Variants in SRPK1 observed in about 807,000 individuals in gnomAD.
The protein encoded by SRPK1 is SRSF protein kinase 1.
SRPK1 carries 52 observed loss-of-function variants against 89.5 expected under a neutral mutation model. The ratio of observed to expected loss-of-function variants is 0.58; its 90% CI spans 0.46 to 0.73. SRPK1 has a LOEUF of 0.73. Among genes scored for constraint, SRPK1 ranks in the 30% least tolerant of loss-of-function variants. SRPK1 has a pLI of 0.00. For synonymous variants in SRPK1, 255 were observed against 270.2 expected (o/e 0.94, Z 0.55); for missense variants, 603 against 780.6 (o/e 0.77, Z 2.71).
At chr6:35,836,074 C>T (rs560413566) in intron 15 of SRPK1, among the ~76,000 whole-genome samples, 1 of 152,112 alleles carries the variant, frequency 6.6e-6, no homozygotes, top group East Asian at 1.9e-4. Flanking sequence ...TACCAGTCTG[C>T]GGTCTGTCAG....
At chr6:35,875,017 C>T (rs1466090435) in intron 6 of SRPK1, among the ~76,000 whole-genome samples, 1 of 152,086 alleles carries the variant, frequency 6.6e-6, no homozygotes, top group Non-Finnish European at 1.5e-5. Context: ...TGTCTTCCAC[C>T]CCCACTGGCT....
In SRPK1 at chr6:35,886,764, T is replaced by C. The variant is rs778343852; in HGVS notation, c.438A>G (p.Gln146=). Residue 146 remains glutamine (Q), a synonymous_variant, in exon 6 of 16, where the codon CAA becomes CAG. Transcript: ENST00000373825. The stretch of plus-strand genomic sequence containing the variant: ...CTGATATTTTAAAGTCATCTAGTAG[T>C]TGAACAACCATTTCTCTATTTGGAT... ...PNDPNREMVV[Q]LLDDFKISGV... is the part of the protein sequence containing the mutation. The C allele has an allele frequency of 3.1e-6, 5 of 1,611,596 alleles. No homozygotes were observed. The East Asian group carries it at 6.7e-5, about 22-fold the overall frequency.
At chr6:35,902,804 T>C (rs867308388) in intron 2 of SRPK1, among the ~76,000 whole-genome samples, 31 of 152,348 alleles carry the variant, frequency 2.0e-4, no homozygotes, top group African/African-American at 7.5e-4. Context: ...TTCTTCTTTC[T>C]AGTAAAGAAA....
At chr6:35,903,416 G>A (rs779370611) in intron 2 of SRPK1, among the ~76,000 whole-genome samples, 1 of 151,854 alleles carries the variant, frequency 6.6e-6, no homozygotes, top group African/African-American at 2.4e-5. Context: ...GGAGGCTGAA[G>A]CACGAGAATC....
intron 13 of SRPK1, among the ~76,000 whole-genome samples, chr6:35,853,825 A>C (rs915348705): frequency 1.3e-5 from 2 of 152,156 alleles, no homozygotes; most frequent in African/African-American, 4.8e-5. Context: ...AGGCCAGAGA[A>C]GAAGATAATC....
intron 9 of SRPK1, 120 bp downstream of exon 9, chr6:35,870,814 G>T: frequency 2.4e-6 from 2 of 840,502 alleles, no homozygotes; most frequent in Non-Finnish European, 3.7e-6. Flanking sequence ...TTATAGAAGC[G>T]CAGGAATTTT....
At chr6:35,895,196 C>A (rs1004579445) in intron 2 of SRPK1, among the ~76,000 whole-genome samples, 1 of 152,110 alleles carries the variant, frequency 6.6e-6, no homozygotes, top group East Asian at 1.9e-4. Flanking sequence ...TAGCACAAGA[C>A]ACAGTCAAAA....
At chr6:35,875,331 C>T (rs553578952) in intron 6 of SRPK1, among the ~76,000 whole-genome samples, 1 of 151,336 alleles carries the variant, frequency 6.6e-6, no homozygotes, top group East Asian at 2.0e-4. Flanking sequence ...TCTCAGCTCA[C>T]TGCAACCTCT....
chr6:35,838,856 A>G, intron 14 of SRPK1: 1 of 1,345,648 alleles, frequency 7.4e-7, no homozygotes, highest in Non-Finnish European at 9.9e-7. Context: ...AGGTTTTTCT[A>G]TGAATAGCTT....
intron 12 of SRPK1, among the ~76,000 whole-genome samples, chr6:35,860,292 T>A (rs1157668450): frequency 4.6e-5 from 7 of 152,178 alleles, no homozygotes; most frequent in African/African-American, 1.7e-4. Context: ...GACTGGGTCA[T>A]GAGGGGGTCT....
chr6:35,838,584 C>T (rs1163651474), intron 14 of SRPK1, 155 bp from the exon 15 acceptor site: 8 of 1,437,306 alleles, frequency 5.6e-6, no homozygotes, highest in Non-Finnish European at 7.6e-6. Flanking sequence ...GAGGAAGACT[C>T]TATCCATCTA....
rs929029654 is a variant in SRPK1 at position 35,872,474 on chromosome 6, G to C, written c.751+89C>G. 3 of 1,161,786 alleles carry C rather than the reference G, an allele frequency of 2.6e-6. No homozygotes were observed. The African/African-American group carries it at 4.8e-5, about 18-fold the overall frequency. 72.0% of individuals were successfully genotyped at this position (1,161,786 alleles called of 1,614,324 possible). ...AAATATGTTATTGTTGAAATGGATT[G>C]AGTGGTGTTTAATTCCCTGGTAACA... On this transcript the variant is annotated intron_variant, in intron 8 of 15. Transcript: ENST00000373825.
rs372669149 is a variant in SRPK1, at chr6:35,870,500, C to G, written c.778-6G>C. 6.5e-7 allele frequency: 1 copy of G among 1,549,802 alleles called. No homozygotes were observed. The highest frequency in any genetic ancestry group is 1.4e-5 in the African/African-American group (1 of 73,028). On this transcript the variant is annotated splice_polypyrimidine_tract_variant and splice_region_variant and intron_variant, in intron 9 of 15. Coordinates refer to ENST00000373825, the MANE Select transcript of SRPK1 (RefSeq NM_003137.5). ...TTCTTTGACATTTTGTCAGCCTGGG[C>G]GGAGATTACAAACAGATAAAGCCTT... is the stretch of plus-strand genomic sequence containing the variant.
rs541659346 is a variant in SRPK1, at chr6:35,848,707, T to A, written c.1621-6103A>T. 5.3e-5 allele frequency among the ~76,000 whole-genome samples: 8 copies of A among 152,338 alleles called. No homozygotes were observed. The South Asian group carries it at 1.7e-3, about 32-fold the overall frequency. ...GAGCCCAGAAATGAACCCACGCATG[T>A]ATGGTCAAGTGATCTTTGACAAAAT... On this transcript the variant is annotated intron_variant, in intron 13 of 15. Transcript: ENST00000373825.
At chr6:35,890,113 AC>A (rs1283532570) in intron 3 of SRPK1, among the ~76,000 whole-genome samples, 7 of 152,204 alleles carry the variant, frequency 4.6e-5, no homozygotes, top group African/African-American at 1.7e-4. Flanking sequence ...CGCCTCAAAA[AC>A]AAAAAAACAA....
chr6:35,912,347 T>C (rs1210766161), intron 2 of SRPK1, among the ~76,000 whole-genome samples: 3 of 152,054 alleles, frequency 2.0e-5, no homozygotes, highest in Admixed American at 1.3e-4. Flanking sequence ...CCAGACCCCA[T>C]CTCCCTTAAA....
intron 2 of SRPK1, among the ~76,000 whole-genome samples, chr6:35,903,776 C>T (rs1461893242): frequency 6.6e-6 from 1 of 152,066 alleles, no homozygotes; most frequent in Non-Finnish European, 1.5e-5. Flanking sequence ...AAATACTCAT[C>T]AATATTGTTC....
intron 12 of SRPK1, among the ~76,000 whole-genome samples, chr6:35,864,746 T>C (rs1178961397): frequency 5.3e-5 from 8 of 152,228 alleles, no homozygotes; most frequent in Non-Finnish European, 1.2e-4. Flanking sequence ...ACTCCGATGT[T>C]TGTTGTAGCA....
chr6:35,895,433 GC>G (rs1770609069), intron 2 of SRPK1, among the ~76,000 whole-genome samples: 1 of 66,408 alleles, frequency 1.5e-5, no homozygotes, highest in Non-Finnish European at 3.1e-5. Context: ...TGAGGCATAT[GC>G]TTGTGTGTGT....
Sources: allele counts gnomAD v4.1 joint callset (sites outside exome capture counted in the v4.1 genomes callset), GRCh38; gene constraint gnomAD v4.1.1; transcripts MANE v1.5; gene names NCBI Gene and HGNC (gene_info 2026-07-23, HGNC 2026-07-21).